TMEM14B: variants seen among roughly 807,000 people sequenced by gnomAD.
TMEM14B encodes transmembrane protein 14B.
Under a neutral mutation model 14.8 loss-of-function variants are expected in TMEM14B, and 9 were observed. The ratio of observed to expected loss-of-function variants is 0.61; its 90% CI spans 0.37 to 1.06. The LOEUF (loss-of-function observed/expected upper bound fraction) is 1.06. TMEM14B is among the 50% of genes least tolerant of loss of function. TMEM14B has a pLI of 0.01. For synonymous variants in TMEM14B, 40 were observed against 51.3 expected (o/e 0.78, Z 0.94); for missense variants, 128 against 143.6 (o/e 0.89, Z 0.56).
chr6:10,751,010 C>T (rs1332127188), intron 3 of TMEM14B, 123 bp from the exon 4 acceptor site: 4 of 1,162,506 alleles, frequency 3.4e-6, no homozygotes, highest in African/African-American at 1.5e-5. Flanking sequence ...TTGAGTCCAC[C>T]TTGGCTGTGA....
At chr6:10,751,095 C>A in intron 3 of TMEM14B, 38 bp from the exon 4 acceptor site, 2 of 1,611,152 alleles carry the variant, frequency 1.2e-6, no homozygotes, top group Non-Finnish European at 1.7e-6. Context: ...AAATAAGTGC[C>A]TGACATTACA....
chr6:10,748,109 A>G (rs1436765103), intron 1 of TMEM14B, among the ~76,000 whole-genome samples: 2 of 152,160 alleles, frequency 1.3e-5, no homozygotes, highest in Non-Finnish European at 2.9e-5. Flanking sequence ...CTTGTAGCAT[A>G]GTGTTGCCTC....
intron 1 of TMEM14B, among the ~76,000 whole-genome samples, chr6:10,748,692 C>T (rs975985459): frequency 6.6e-6 from 1 of 152,128 alleles, no homozygotes. Context: ...ACTTGAGTTT[C>T]CGTGTATTTT....
intron 4 of TMEM14B, 120 bp downstream of exon 4, chr6:10,751,354 C>A: frequency 9.0e-7 from 1 of 1,116,014 alleles, no homozygotes; most frequent in Non-Finnish European, 1.3e-6. Context: ...AGTTTCACTG[C>A]TTCTCCAAGT....
intron 4 of TMEM14B, among the ~76,000 whole-genome samples, chr6:10,753,667 G>A (rs1771679496): frequency 6.6e-6 from 1 of 151,832 alleles, no homozygotes; most frequent in South Asian, 2.1e-4. Context: ...ATGTCTCCAG[G>A]AATCTGCCCG....
intron 3 of TMEM14B, 56 bp from the exon 4 acceptor site, chr6:10,751,077 C>T (rs1465377214): frequency 5.6e-6 from 9 of 1,604,922 alleles, no homozygotes; most frequent in East Asian, 4.5e-5. Context: ...TGGTGGATTC[C>T]GTTAGTGAAA....
chr6:10,754,339 G>A (rs1390746898), intron 4 of TMEM14B, among the ~76,000 whole-genome samples: 1 of 152,154 alleles, frequency 6.6e-6, no homozygotes, highest in African/African-American at 2.4e-5. Flanking sequence ...AAGGCTCTAT[G>A]TGGTCTGGCG....
downstream of TMEM14B, among the ~76,000 whole-genome samples, chr6:10,757,448 C>T (rs1055057019): frequency 6.6e-6 from 1 of 151,958 alleles, no homozygotes; most frequent in African/African-American, 2.4e-5. Context: ...AGCATGGCCA[C>T]TGAGGATTTC....
At chr6:10,748,265 G>A (rs2127493021) in intron 1 of TMEM14B, among the ~76,000 whole-genome samples, 1 of 152,080 alleles carries the variant, frequency 6.6e-6, no homozygotes, top group Admixed American at 6.5e-5. Flanking sequence ...TGGGGGGTGG[G>A]GAGGGGTTCT....
intron 5 of TMEM14B, chr6:10,755,513 T>G (rs1771770355): frequency 7.2e-7 from 1 of 1,387,644 alleles, no homozygotes; most frequent in East Asian, 2.5e-5. Flanking sequence ...TGCAGCCTTT[T>G]GTGTGACTTG....
rs541823523 is a variant in TMEM14B, at chr6:10,748,461, C to T, written c.-45+580C>T. ...AGAATATGGGTTTCACCATGTTGAC[C>T]AAGCTGTTCTCGAACTCCTAACCTC... On this transcript the variant is annotated intron_variant, in intron 1 of 5. Coordinates refer to ENST00000379542, the MANE Select transcript of TMEM14B (RefSeq NM_030969.5). 9.2e-5 allele frequency among the ~76,000 whole-genome samples: 14 copies of T among 152,194 alleles called. No individual in the cohort carries two copies. In the South Asian group the frequency reaches 2.9e-3, roughly 32 times the overall value.
intron 4 of TMEM14B, among the ~76,000 whole-genome samples, chr6:10,752,374 G>A (rs1266572770): frequency 1.3e-5 from 2 of 150,200 alleles, no homozygotes; most frequent in African/African-American, 2.5e-5. Flanking sequence ...ATCCTGTCTT[G>A]TATTTGTATT....
chr6:10,750,364 C>T (rs1016029592), intron 3 of TMEM14B, among the ~76,000 whole-genome samples: 1 of 137,232 alleles, frequency 7.3e-6, no homozygotes, highest in Non-Finnish European at 1.5e-5. Context: ...GCCTAAAAGA[C>T]GGCTAACACT....
At chr6:10,756,406 A>G in intron 5 of TMEM14B, 61 bp from the exon 6 acceptor site, 1 of 1,595,540 alleles carries the variant, frequency 6.3e-7, no homozygotes. Context: ...TAGTTCCTTA[A>G]AAACATAGTT....
At chr6:10,755,635 C>G in intron 5 of TMEM14B, 1 of 1,176,480 alleles carries the variant, frequency 8.5e-7, no homozygotes, top group East Asian at 4.2e-5. Flanking sequence ...GATTATAATA[C>G]CTAAACCAAA....
intron 2 of TMEM14B, 120 bp from the exon 3 acceptor site, chr6:10,749,502 C>T: frequency 8.1e-7 from 1 of 1,229,880 alleles, no homozygotes; most frequent in Non-Finnish European, 1.2e-6. Flanking sequence ...AGTGATAGTA[C>T]CTGTGGGCAC....
chr6:10,751,324 C>T, intron 4 of TMEM14B, 90 bp downstream of exon 4: 1 of 1,435,956 alleles, frequency 7.0e-7, no homozygotes. Context: ...GGAGCGAGTT[C>T]TTCCCACTTA....
At chr6:10,752,483 G>A (rs1019376863) in intron 4 of TMEM14B, among the ~76,000 whole-genome samples, 2 of 135,114 alleles carry the variant, frequency 1.5e-5, no homozygotes, top group Admixed American at 1.6e-4. Context: ...TTGAGACGGA[G>A]TCTCACTGTG....
chr6:10,756,532 C>G lies in TMEM14B; in HGVS notation c.*14C>G. On this transcript the variant is annotated 3_prime_UTR_variant, in exon 6 of 6. Transcript: ENST00000379542. Reference sequence around the variant, plus strand: ...ACATCTGATTAGCAGAAGTCATGTTCCAGCTTGGACTCATGAAGGATTAAA... The same window carrying G: ...ACATCTGATTAGCAGAAGTCATGTTGCAGCTTGGACTCATGAAGGATTAAA... The G allele has an allele frequency of 6.2e-7, 1 of 1,611,256 alleles. No individual in the cohort carries two copies. The highest frequency in any genetic ancestry group is 8.5e-7 in the Non-Finnish European group (1 of 1,178,958).
Sources: gnomAD v4.1 joint callset for allele counts (sites outside exome capture counted in the v4.1 genomes callset) on GRCh38, gnomAD v4.1.1 for gene constraint, MANE v1.5 for transcripts, NCBI Gene and HGNC (gene_info 2026-07-23, HGNC 2026-07-21) for gene names.